The following VIPR2 variants were observed in gnomAD, a reference collection of about 807,000 sequenced individuals.
The protein encoded by VIPR2 is vasoactive intestinal peptide receptor 2.
Under a neutral mutation model 58.0 loss-of-function variants are expected in VIPR2, and 48 were observed. The ratio of observed to expected loss-of-function variants is 0.83; its 90% confidence interval spans 0.66 to 1.05. VIPR2 has a LOEUF of 1.05. Among genes scored for constraint, VIPR2 ranks in the 50% least tolerant of loss-of-function variants. VIPR2 has a pLI of 0.00. For missense variants in VIPR2, 534 were observed against 558.0 expected (o/e 0.96, Z 0.43); for synonymous variants, 243 against 235.2 (o/e 1.03, Z -0.30).
At chr7:159,061,999 C>T (rs1214129231) in intron 4 of VIPR2, among the ~76,000 whole-genome samples, 2 of 152,182 alleles carry the variant, frequency 1.3e-5, no homozygotes, top group East Asian at 3.9e-4. Context: ...GGAGCCCCGT[C>T]CTGAGAAGCC....
chr7:159,101,334 CCTG>C (rs1858219421), intron 4 of VIPR2, among the ~76,000 whole-genome samples: 9 of 116,750 alleles, frequency 7.7e-5, no homozygotes, highest in South Asian at 3.0e-4. Context: ...AGGCGGTTCC[CCTG>C]ACTGTTCCTG....
chr7:159,081,367 A>G (rs190387675), intron 4 of VIPR2, among the ~76,000 whole-genome samples: 97 of 152,354 alleles, frequency 6.4e-4, no homozygotes, highest in African/African-American at 2.1e-3. Flanking sequence ...AGCAATTGGG[A>G]AAGGATTCCC....
rs777802751 is a variant in VIPR2 at position 159,098,067 on chromosome 7, C to A, written c.357+5690G>T. Among the ~76,000 whole-genome samples, 1 of 152,204 alleles carries A rather than the reference C, an allele frequency of 6.6e-6. No homozygotes were observed. The highest frequency in any genetic ancestry group is 1.5e-5 in the Non-Finnish European group (1 of 68,034). ...GAAGCCTGAGCCCTGCCGGGGCAAG[C>A]GGAATCCCCAGCCTCACACCAGCCC... On this transcript the variant is annotated intron_variant, in intron 4 of 12. Transcript: ENST00000262178. This position sits in a 1 kb window ranked among gnomAD's most constrained non-coding sequence, Gnocchi z 5.2.
At chr7:159,062,620 G>C (rs147852727) in intron 4 of VIPR2, among the ~76,000 whole-genome samples, 238 of 152,280 alleles carry the variant, frequency 1.6e-3, no homozygotes, top group Middle Eastern at 6.8e-3. Context: ...GACATTCCTA[G>C]TGAGTATTAC....
At chr7:159,142,355 T>A in intron 2 of VIPR2, 91 bp downstream of exon 2, 1 of 818,464 alleles carries the variant, frequency 1.2e-6, no homozygotes, top group Non-Finnish European at 1.9e-6. Context: ...TTTTTTAAGA[T>A]GCAGGTGGTG....
intron 2 of VIPR2, chr7:159,117,510 G>C (rs911470543): frequency 1.5e-6 from 1 of 685,844 alleles, no homozygotes; most frequent in Non-Finnish European, 2.7e-6. Context: ...CTGCTGACCT[G>C]AGTCATGGAC....
intron 8 of VIPR2, among the ~76,000 whole-genome samples, chr7:159,035,411 T>G (rs1853869291): frequency 6.6e-6 from 1 of 152,218 alleles, no homozygotes; most frequent in Non-Finnish European, 1.5e-5. Context: ...TGGAGTGATT[T>G]GTTACTTAGC....
rs530806115 is a variant in VIPR2 at position 159,102,322 on chromosome 7, TCTTTCACCTGCTGCCATGTAGGATGTGC to T, written c.357+1407_357+1434del. Reference sequence around the variant, plus strand: ...CCCTTTTCGCTTGACTCTGATTCTCTCTTTCACCTGCTGCCATGTAGGATGTGCCTTGCACCTTCTGCCATGATTTTGA... The same window carrying T: ...CCCTTTTCGCTTGACTCTGATTCTCTCTTGCACCTTCTGCCATGATTTTGA... On this transcript the variant is annotated intron_variant, in intron 4 of 12. Coordinates refer to ENST00000262178, the MANE Select transcript of VIPR2 (RefSeq NM_003382.5). Among the ~76,000 whole-genome samples the T allele has an allele frequency of 8.5e-5, 13 of 152,356 alleles. No individual in the cohort carries two copies. The South Asian group carries it at 2.7e-3, about 32-fold the overall frequency.
chr7:159,097,656 T>A lies in VIPR2; in HGVS notation c.357+6101A>T, dbSNP rs115459879. Among the ~76,000 whole-genome samples, 1,920 of 152,348 alleles carry A rather than the reference T, an allele frequency of 0.013. 38 individuals carry two copies. The highest frequency in any genetic ancestry group is 0.044 in the African/African-American group (1,824 of 41,578). Reference sequence around the variant, plus strand: ...CACCAAGGAGAATTCCCACTCCTTTTGGGCTTTTGACACAACGTATGCTTT... The same window carrying A: ...CACCAAGGAGAATTCCCACTCCTTTAGGGCTTTTGACACAACGTATGCTTT... On this transcript the variant is annotated intron_variant, in intron 4 of 12. Coordinates refer to ENST00000262178, the MANE Select transcript of VIPR2 (RefSeq NM_003382.5). This position sits in a 1 kb window ranked among gnomAD's most constrained non-coding sequence, Gnocchi z 5.3.
At chr7:159,039,598 T>TGGGTGGGGCCTTGCCACGG (rs147666851) in intron 6 of VIPR2, among the ~76,000 whole-genome samples, 3 of 151,972 alleles carry the variant, frequency 2.0e-5, no homozygotes, top group Non-Finnish European at 4.4e-5. Context: ...AGGGTGTTAG[T>TGGGTGGGGCCTTGCCACGG]GGGTGGCGCT....
intron 2 of VIPR2, among the ~76,000 whole-genome samples, chr7:159,136,718 G>A (rs1228286347): frequency 6.6e-6 from 1 of 152,198 alleles, no homozygotes; most frequent in Non-Finnish European, 1.5e-5. Context: ...AGGAAAAGGA[G>A]GAGGCCCCGA....
chr7:159,107,901 C>T (rs1219044231), intron 3 of VIPR2, among the ~76,000 whole-genome samples: 2 of 152,196 alleles, frequency 1.3e-5, no homozygotes, highest in African/African-American at 2.4e-5. Flanking sequence ...TGCCCAGAGG[C>T]CACCTGCCTA....
chr7:159,034,382 TC>T, intron 9 of VIPR2, 78 bp from the exon 10 acceptor site: 1 of 1,422,418 alleles, frequency 7.0e-7, no homozygotes, highest in Non-Finnish European at 9.8e-7. Flanking sequence ...ATTTCGACCC[TC>T]CCCTCCGCTC....
At chr7:159,133,198 C>T (rs1169142852) in intron 2 of VIPR2, among the ~76,000 whole-genome samples, 1 of 152,312 alleles carries the variant, frequency 6.6e-6, no homozygotes, top group Non-Finnish European at 1.5e-5. Flanking sequence ...TGGCCTCTTG[C>T]ACACAACCCT....
intron 2 of VIPR2, among the ~76,000 whole-genome samples, chr7:159,141,385 C>T (rs1391590294): frequency 2.6e-5 from 4 of 152,224 alleles, no homozygotes; most frequent in Admixed American, 2.0e-4. Flanking sequence ...GACCAAGAAA[C>T]GGTGGCTCAG....
intron 4 of VIPR2, among the ~76,000 whole-genome samples, chr7:159,080,580 C>T (rs1264254384): frequency 1.3e-5 from 2 of 152,182 alleles, no homozygotes; most frequent in Non-Finnish European, 2.9e-5. Context: ...CCCTCTCTCA[C>T]CACTCCTATT....
At chr7:159,053,458 T>C (rs1045162166) in intron 5 of VIPR2, among the ~76,000 whole-genome samples, 4 of 152,192 alleles carry the variant, frequency 2.6e-5, no homozygotes, top group Non-Finnish European at 5.9e-5. Context: ...GGTTGGATGA[T>C]TCATAATTAG....
chr7:159,050,066 G>A (rs1420436084), intron 5 of VIPR2, among the ~76,000 whole-genome samples: 1 of 152,186 alleles, frequency 6.6e-6, no homozygotes, highest in Admixed American at 6.5e-5. Flanking sequence ...GCCAGGCACG[G>A]TGGCTCACGC....
At chr7:159,077,411 T>G (rs13438242) in intron 4 of VIPR2, among the ~76,000 whole-genome samples, 1 of 120,756 alleles carries the variant, frequency 8.3e-6, no homozygotes, top group African/African-American at 3.5e-5. Context: ...TTATCAGATT[T>G]TAGCCCTGTT....
Sources: allele counts gnomAD v4.1 joint callset (sites outside exome capture counted in the v4.1 genomes callset), GRCh38; gene constraint gnomAD v4.1.1; non-coding constraint Gnocchi (gnomAD v3.1); transcripts MANE v1.5; gene names NCBI Gene and HGNC (gene_info 2026-07-23, HGNC 2026-07-21).